The following LRRC9 variants were observed in gnomAD, a reference collection of about 807,000 sequenced individuals.
The protein encoded by LRRC9 is leucine rich repeat containing 9.
Under a neutral mutation model 63.2 loss-of-function variants are expected in LRRC9, and 122 were observed. That is an observed-to-expected ratio of 1.93 (90% CI 1.67 to 2.24). The LOEUF is 2.24. Ranked by LOEUF, LRRC9 falls within the 30% of genes most tolerant of loss-of-function variation. The pLI is 0.00. For missense variants in LRRC9, 1,071 were observed against 627.7 expected, an observed-to-expected ratio of 1.71 and a Z score of -7.55; for synonymous variants, 366 against 213.1, an observed-to-expected ratio of 1.72 and a Z score of -6.25.
chr14:59,966,657 C>T lies in LRRC9; in HGVS notation c.1280C>T (p.Thr427Ile), dbSNP rs2139999970. The T allele has an allele frequency of 2.9e-6, 2 of 697,840 alleles. No homozygotes were observed. The highest frequency in any genetic ancestry group is 3.0e-5 in the South Asian group (2 of 66,772). 43.2% of individuals were successfully genotyped at this position (697,840 alleles called of 1,614,324 possible). Residue 427 changes from threonine to isoleucine, a missense_variant, in exon 11 of 32, where the codon ACA (threonine) becomes ATA (isoleucine). Transcript: ENST00000445360. The surrounding 1 kb of genome is among the most constrained non-coding windows in gnomAD (Gnocchi z 4.0). ...TGGGACTTCAGAACATACGGTATTA[C>T]AGGAGTAAAAGTAAAACGCATCATT... is the stretch of plus-strand genomic sequence containing the variant.
chr14:60,014,257 A>G (rs985715810), intron 23 of LRRC9, among the ~76,000 whole-genome samples: 3 of 152,232 alleles, frequency 2.0e-5, no homozygotes, highest in Middle Eastern at 3.4e-3. Flanking sequence ...ATTGAGAACC[A>G]ATGAGACAAT....
At chr14:60,007,753 T>C (rs150245836) in intron 22 of LRRC9, among the ~76,000 whole-genome samples, 279 of 152,078 alleles carry the variant, frequency 1.8e-3, no homozygotes, top group Middle Eastern at 3.4e-3. Context: ...TATACCTAAG[T>C]GGTCTGAAAG....
rs1889593263 is a variant in LRRC9, at chr14:60,003,876, A to G, written c.2842+78A>G. 7.6e-6 allele frequency: 4 copies of G among 525,364 alleles called. No homozygotes were observed. Among genetic ancestry groups the G allele is most frequent in the African/African-American group, 5.9e-5 (3 of 51,030 alleles). The allele number at this position is 525,364 out of a possible 1,614,324, so 32.5% of individuals were successfully genotyped here. On this transcript the variant is annotated intron_variant, in intron 21 of 31. Coordinates refer to ENST00000445360, the Ensembl canonical transcript of LRRC9. The surrounding 1 kb of genome is among the most constrained non-coding windows in gnomAD (Gnocchi z 4.2). Reference sequence around the variant, plus strand: ...AAGCAAAAAATAACCCTGGGAACAGAGTTTCTGAAGAGGAAGATCTCTAGG... The same window carrying G: ...AAGCAAAAAATAACCCTGGGAACAGGGTTTCTGAAGAGGAAGATCTCTAGG...
At chr14:59,989,370 A>AT (rs1887814599) in intron 17 of LRRC9, among the ~76,000 whole-genome samples, 1 of 150,522 alleles carries the variant, frequency 6.6e-6, no homozygotes, top group Admixed American at 6.6e-5. Context: ...CTTATCTTAA[A>AT]TTTTTTTCAC....
At chr14:59,987,048 C>T (rs1486309112) in intron 17 of LRRC9, among the ~76,000 whole-genome samples, 1 of 152,086 alleles carries the variant, frequency 6.6e-6, no homozygotes, top group Non-Finnish European at 1.5e-5. Flanking sequence ...CAGAGAATTA[C>T]ATGCTATATA....
rs548257098 is a variant in LRRC9 at position 60,018,051 on chromosome 14, C to T, written c.3318-320C>T. ...ATCAACTTCACTATGATTTCATAAA[C>T]ATATATGTGAATTTATAAAGAAAGT... On this transcript the variant is annotated intron_variant, in intron 24 of 31. Coordinates refer to ENST00000445360, the Ensembl canonical transcript of LRRC9. Among the ~76,000 whole-genome samples the T allele has an allele frequency of 2.0e-5, 3 of 152,076 alleles. No individual in the cohort carries two copies. The South Asian group carries it at 6.2e-4, about 31-fold the overall frequency.
chr14:59,931,508 A>G, intron 4 of LRRC9, 111 bp from the exon 5 acceptor site: 1 of 551,472 alleles, frequency 1.8e-6, no homozygotes, highest in Non-Finnish European at 3.2e-6. Context: ...TGTGGAGTAC[A>G]AAGTACCCTG....
At chr14:59,937,318 C>A (rs917721088) in intron 6 of LRRC9, among the ~76,000 whole-genome samples, 19 of 150,592 alleles carry the variant, frequency 1.3e-4, no homozygotes, top group African/African-American at 4.6e-4. Flanking sequence ...AAATAACATT[C>A]TTTTTTTGTA....
At chr14:59,961,565 T>A (rs1189622255) in intron 10 of LRRC9, among the ~76,000 whole-genome samples, 1 of 152,050 alleles carries the variant, frequency 6.6e-6, no homozygotes, top group Admixed American at 6.6e-5. Flanking sequence ...ATAGCTACAG[T>A]CAGGGTGCAC....
chr14:60,032,449 G>A (rs1488375620), intron 29 of LRRC9, among the ~76,000 whole-genome samples: 1 of 151,666 alleles, frequency 6.6e-6, no homozygotes, highest in Middle Eastern at 3.2e-3. Context: ...GCTATTCTTG[G>A]CCCTTTACAC....
chr14:59,977,643 A>G (rs1886448968), intron 14 of LRRC9, among the ~76,000 whole-genome samples: 1 of 151,858 alleles, frequency 6.6e-6, no homozygotes, highest in African/African-American at 2.4e-5. Flanking sequence ...ACTTTTAACA[A>G]GAGTTTTAGA....
chr14:59,985,080 T>TA, intron 16 of LRRC9, 25 bp from the exon 17 acceptor site: 1 of 627,274 alleles, frequency 1.6e-6, no homozygotes, highest in African/African-American at 1.8e-5. Context: ...TATTATTTTT[T>TA]AATGTATATT....
chr14:59,938,590 C>G lies in LRRC9; in HGVS notation c.726+18C>G, dbSNP rs1881303432. 1 of 667,912 alleles carries G rather than the reference C, an allele frequency of 1.5e-6. No individual in the cohort carries two copies. Among genetic ancestry groups the G allele is most frequent in the Non-Finnish European group, 2.7e-6 (1 of 369,676 alleles). 41.4% of individuals were successfully genotyped at this position (667,912 alleles called of 1,614,324 possible). A position where few individuals can be genotyped will look rare whatever the true frequency, so the allele number is the denominator to read the frequency against. On this transcript the variant is annotated intron_variant, in intron 7 of 31. Coordinates refer to ENST00000445360, the Ensembl canonical transcript of LRRC9. This position sits in a 1 kb window ranked among gnomAD's most constrained non-coding sequence, Gnocchi z 4.2. Reference sequence around the variant, plus strand: ...TGGCAGATGTAAGTACATCCCTAATCAGGCATCTGTGATTTCAGTTTTATT... The same window carrying G: ...TGGCAGATGTAAGTACATCCCTAATGAGGCATCTGTGATTTCAGTTTTATT...
chr14:59,947,445 C>T (rs1000884311), intron 8 of LRRC9, among the ~76,000 whole-genome samples: 1 of 124,552 alleles, frequency 8.0e-6, no homozygotes, highest in Non-Finnish European at 1.7e-5. Context: ...AATTTTCTCC[C>T]ATGTTGTAGG....
intron 12 of LRRC9, among the ~76,000 whole-genome samples, chr14:59,972,239 C>T (rs1885595707): frequency 6.6e-6 from 1 of 152,088 alleles, no homozygotes; most frequent in South Asian, 2.1e-4. Context: ...TTTTGTGTGG[C>T]TTTTCCTGAA....
At chr14:59,960,146 T>C in intron 9 of LRRC9, 132 bp downstream of exon 9, 1 of 517,982 alleles carries the variant, frequency 1.9e-6, no homozygotes. Context: ...GCATGAAATA[T>C]ATTCTTAGTA....
intron 12 of LRRC9, among the ~76,000 whole-genome samples, chr14:59,972,507 T>TA (rs1318154965): frequency 1.3e-5 from 2 of 152,100 alleles, no homozygotes; most frequent in African/African-American, 4.8e-5. Flanking sequence ...AGCATGCACT[T>TA]AAAGATTCTT....
At position 60,053,782 on chromosome 14, in the gene LRRC9, T is replaced by C; in HGVS notation, c.4131+577T>C. ...AAAGGGAAGAAATAATAAAAGCATG[T>C]CATTTGAAAATTCTGTCTTTGACCA... is the stretch of plus-strand genomic sequence containing the variant. On this transcript the variant is annotated intron_variant, in intron 30 of 31. Coordinates refer to ENST00000445360, the Ensembl canonical transcript of LRRC9. The surrounding 1 kb of genome is among the most constrained non-coding windows in gnomAD (Gnocchi z 4.8). The C allele has an allele frequency of 2.7e-6, 1 of 374,758 alleles. No individual in the cohort carries two copies. The highest frequency in any genetic ancestry group is 2.1e-5 in the South Asian group (1 of 48,556). 23.2% of individuals were successfully genotyped at this position (374,758 alleles called of 1,614,324 possible).
chr14:59,978,202 G>A, intron 15 of LRRC9, 70 bp downstream of exon 15: 1 of 675,092 alleles, frequency 1.5e-6, no homozygotes, highest in Non-Finnish European at 2.7e-6. Context: ...GTAATTTGAA[G>A]TCGAATAATG....
Sources: allele counts gnomAD v4.1 joint callset (sites outside exome capture counted in the v4.1 genomes callset), GRCh38; gene constraint gnomAD v4.1.1; non-coding constraint Gnocchi (gnomAD v3.1); transcripts MANE v1.5; gene names NCBI Gene and HGNC (gene_info 2026-07-23, HGNC 2026-07-21).